DOK5: variants seen among roughly 807,000 people sequenced by gnomAD.
The protein encoded by DOK5 is downstream of tyrosine kinase 5.
In DOK5, 27 loss-of-function variants were observed where a neutral mutation model predicts 43.3. That is an observed-to-expected ratio of 0.62 (90% confidence interval 0.46 to 0.86). The LOEUF is 0.86. Ranked by LOEUF, DOK5 falls within the 40% of genes least tolerant of loss-of-function variation. The pLI, the probability that DOK5 is intolerant of heterozygous loss-of-function variation, is 0.00. For synonymous variants in DOK5, 146 were observed against 140.1 expected (o/e 1.04, Z -0.30); for missense variants, 373 against 392.9 (o/e 0.95, Z 0.43).
rs1311139405 is a variant in DOK5 at position 54,572,636 on chromosome 20, C to CT, written c.175-15839dup. Among the ~76,000 whole-genome samples the CT allele has an allele frequency of 7.2e-5, 11 of 152,098 alleles. No homozygotes were observed. In the South Asian group the frequency reaches 2.1e-3, roughly 29 times the overall value. ...TATTGTTATTATGCTATCATAATATCTTTTTTTTAAGGTTCTACAAATGGC... is the reference window on the plus strand; with the variant it reads ...TATTGTTATTATGCTATCATAATATCTTTTTTTTTAAGGTTCTACAAATGGC... On this transcript the variant is annotated intron_variant, in intron 2 of 7. Transcript: ENST00000262593.
chr20:54,587,947 G>A (rs1985861224), intron 2 of DOK5, among the ~76,000 whole-genome samples: 2 of 152,168 alleles, frequency 1.3e-5, no homozygotes, highest in African/African-American at 4.8e-5. Flanking sequence ...TCGTTTCTGA[G>A]ACTCTTGACG....
At chr20:54,555,552 C>T (rs1984683075) in intron 2 of DOK5, 1 of 153,578 alleles carries the variant, frequency 6.5e-6, no homozygotes, top group African/African-American at 2.4e-5. Context: ...TGTGTTACAA[C>T]TCATTAAGGT....
At chr20:54,638,173 G>C (rs559326528) in intron 6 of DOK5, among the ~76,000 whole-genome samples, 68 of 151,876 alleles carry the variant, frequency 4.5e-4, no homozygotes, top group Non-Finnish European at 7.9e-4. Flanking sequence ...ATGGTCTAGA[G>C]CAGAAGGAAG....
At chr20:54,562,845 T>C (rs1047620511) in intron 2 of DOK5, among the ~76,000 whole-genome samples, 3 of 152,212 alleles carry the variant, frequency 2.0e-5, no homozygotes, top group Non-Finnish European at 4.4e-5. Flanking sequence ...CACCCTTCTG[T>C]TGTGGGTTGA....
intron 5 of DOK5, among the ~76,000 whole-genome samples, chr20:54,605,136 C>CAGAG (rs375163730): frequency 1.3e-5 from 2 of 150,822 alleles, no homozygotes; most frequent in African/African-American, 4.9e-5. Flanking sequence ...CAAACACACA[C>CAGAG]AGAGAGAGAG....
rs1017499098 is a variant in DOK5 at position 54,584,022 on chromosome 20, C to T, written c.175-4461C>T. Reference sequence around the variant, plus strand: ...AAAATTAGTCGAGCACGGTGGTGCACACCTATAGTCTCAGCTGCTCAGAAG... The same window carrying T: ...AAAATTAGTCGAGCACGGTGGTGCATACCTATAGTCTCAGCTGCTCAGAAG... On this transcript the variant is annotated intron_variant, in intron 2 of 7. Coordinates refer to ENST00000262593, the MANE Select transcript of DOK5 (RefSeq NM_018431.5). Among the ~76,000 whole-genome samples, 3 of 151,608 alleles carry T rather than the reference C, an allele frequency of 2.0e-5. No homozygotes were observed. In the South Asian group the frequency reaches 6.2e-4, roughly 31 times the overall value.
intron 1 of DOK5, among the ~76,000 whole-genome samples, chr20:54,482,506 T>G (rs989235138): frequency 6.6e-6 from 1 of 152,224 alleles, no homozygotes; most frequent in Non-Finnish European, 1.5e-5. Flanking sequence ...CTCCTTTTTT[T>G]TCCTTTTGAG....
At chr20:54,552,986 A>T (rs939964242) in intron 1 of DOK5, among the ~76,000 whole-genome samples, 9 of 152,208 alleles carry the variant, frequency 5.9e-5, no homozygotes, top group African/African-American at 2.2e-4. Flanking sequence ...TATTTTATGT[A>T]GACTTTGTTT....
At chr20:54,650,321 A>G (rs1979639579) in intron 7 of DOK5, 94 bp from the exon 8 acceptor site, 2 of 1,254,132 alleles carry the variant, frequency 1.6e-6, no homozygotes, top group African/African-American at 3.0e-5. Flanking sequence ...AAGTACATTT[A>G]CTTATTTCTG....
At chr20:54,498,597 T>C (rs1207428483) in intron 1 of DOK5, among the ~76,000 whole-genome samples, 2 of 152,220 alleles carry the variant, frequency 1.3e-5, no homozygotes, top group Non-Finnish European at 2.9e-5. Flanking sequence ...CTTGATAATT[T>C]GTTTACTTTT....
At chr20:54,648,846 C>T (rs1979565296) in intron 7 of DOK5, among the ~76,000 whole-genome samples, 1 of 152,108 alleles carries the variant, frequency 6.6e-6, no homozygotes, top group Admixed American at 6.6e-5. Flanking sequence ...AGTGTCTGGC[C>T]TCAGTACAAT....
chr20:54,510,958 A>G (rs1982994879), intron 1 of DOK5, among the ~76,000 whole-genome samples: 1 of 152,204 alleles, frequency 6.6e-6, no homozygotes, highest in Non-Finnish European at 1.5e-5. Flanking sequence ...TTTGCATCTG[A>G]GGACAGTCAA....
At chr20:54,481,052 T>A (rs1329424624) in intron 1 of DOK5, among the ~76,000 whole-genome samples, 1 of 118,584 alleles carries the variant, frequency 8.4e-6, no homozygotes, top group Non-Finnish European at 1.7e-5. Context: ...CTATCATCTG[T>A]CTATCATCTA....
At chr20:54,513,311 AT>A (rs1983072861) in intron 1 of DOK5, among the ~76,000 whole-genome samples, 1 of 152,140 alleles carries the variant, frequency 6.6e-6, no homozygotes, top group East Asian at 1.9e-4. Context: ...TTTAGTGAGA[AT>A]TAAGCAGTCA....
At chr20:54,538,582 C>T (rs1474404038) in intron 1 of DOK5, among the ~76,000 whole-genome samples, 1 of 152,182 alleles carries the variant, frequency 6.6e-6, no homozygotes, top group East Asian at 1.9e-4. Flanking sequence ...TTTCCTTCCC[C>T]TCTCAAGTTT....
At chr20:54,585,293 G>C (rs57297493) in intron 2 of DOK5, among the ~76,000 whole-genome samples, 2,787 of 152,238 alleles carry the variant, frequency 0.018, 85 homozygotes, top group African/African-American at 0.064. Flanking sequence ...ATGGTCATTT[G>C]CTTCTCCTGA....
intron 6 of DOK5, among the ~76,000 whole-genome samples, chr20:54,611,246 G>T (rs932585835): frequency 6.6e-6 from 1 of 152,118 alleles, no homozygotes; most frequent in Non-Finnish European, 1.5e-5. Context: ...ACTGTGCTGG[G>T]GACTTGGATT....
At chr20:54,527,069 C>A (rs1983602336) in intron 1 of DOK5, among the ~76,000 whole-genome samples, 1 of 152,154 alleles carries the variant, frequency 6.6e-6, no homozygotes, top group Non-Finnish European at 1.5e-5. Flanking sequence ...GAGGAAAGAA[C>A]AATTCACGAA....
intron 5 of DOK5, among the ~76,000 whole-genome samples, chr20:54,610,132 A>T (rs537726865): frequency 8.2e-4 from 123 of 149,442 alleles, no homozygotes; most frequent in African/African-American, 1.5e-3. Flanking sequence ...GCTTTTTTTT[A>T]AAAAAAATTT....
Sources: gnomAD v4.1 joint callset for allele counts (sites outside exome capture counted in the v4.1 genomes callset) on GRCh38, gnomAD v4.1.1 for gene constraint, MANE v1.5 for transcripts, NCBI Gene and HGNC (gene_info 2026-07-23, HGNC 2026-07-21) for gene names.